The following CCDC78 variants were observed in gnomAD, a reference collection of about 807,000 sequenced individuals.
The protein encoded by CCDC78 is coiled-coil domain-containing protein 78.
A neutral mutation model predicts 61.9 loss-of-function variants in CCDC78; 78 were observed. The ratio of observed to expected loss-of-function variants is 1.26; its 90% CI spans 1.05 to 1.52. CCDC78 has a LOEUF of 1.52. Among genes scored for constraint, CCDC78 ranks in the 40% most tolerant of loss-of-function variants. The pLI, the probability that CCDC78 is intolerant of heterozygous loss-of-function variation, is 0.00. For synonymous variants in CCDC78, 287 were observed against 251.9 expected, an observed-to-expected ratio of 1.14 and a Z score of -1.32; for missense variants, 737 against 615.5, an observed-to-expected ratio of 1.20 and a Z score of -2.09.
In CCDC78 at chr16:726,424, C is replaced by T. The variant is rs78969045; in HGVS notation, c.-57G>A. 14 of 1,500,484 alleles carry T rather than the reference C, an allele frequency of 9.3e-6. No homozygotes were observed. In the African/African-American group the frequency reaches 2.0e-4, roughly 21 times the overall value. The allele number at this position is 1,500,484 out of a possible 1,614,324, so 92.9% of individuals were successfully genotyped here. A position where few individuals can be genotyped will look rare whatever the true frequency, so the allele number is the denominator to read the frequency against. ...GGTGCTGCCTCCACGCCCGGCTTCC[C>T]CATGGCTGCTGCTGCCACTGGCACT... On this transcript the variant is annotated 5_prime_UTR_variant, in exon 1 of 14. Coordinates refer to ENST00000345165, the MANE Select transcript of CCDC78 (RefSeq NM_001378030.1).
rs1035417733 is a variant in CCDC78, at chr16:724,967, GCAGCTGCCGGCC to G, written c.571_582del (p.Gly191_Leu194del). Reference sequence around the variant, plus strand: ...GCCCTGGCCTCCTCTCGGGCTCCCTGCAGCTGCCGGCCCAGGGTTGCCCTGAAGACACGGGGG... The same window carrying G: ...GCCCTGGCCTCCTCTCGGGCTCCCTGCAGGGTTGCCCTGAAGACACGGGGG... On this transcript the variant is annotated inframe_deletion, in exon 7 of 14. Transcript: ENST00000345165. 5.6e-6 allele frequency: 9 copies of G among 1,611,782 alleles called. No homozygotes were observed. In the Admixed American group the frequency reaches 8.3e-5, roughly 15 times the overall value.
At chr16:723,727 C>T (rs746636036) in intron 11 of CCDC78, 130 bp downstream of exon 11, 36 of 815,186 alleles carry the variant, frequency 4.4e-5, no homozygotes, top group Non-Finnish European at 7.0e-5. Context: ...GGATGTGCCA[C>T]TGAGTGCATT....
At chr16:725,611 C>G (rs1414196526) in intron 3 of CCDC78, 31 bp from the exon 4 acceptor site, 1 of 1,595,964 alleles carries the variant, frequency 6.3e-7, no homozygotes, top group Non-Finnish European at 8.5e-7. Context: ...GCAGGTGCAC[C>G]TGCCCGCGGG....
chr16:723,023 C>G lies in CCDC78; in HGVS notation c.1201-1G>C, dbSNP rs763586611. 1.9e-6 allele frequency: 3 copies of G among 1,612,608 alleles called. No homozygotes were observed. In the Admixed American group the frequency reaches 5.0e-5, roughly 27 times the overall value. ...GTGCCCGCTCCCGTTCCAGCTCTGC[C>G]TGGCATGGGGATGTAAGCCATGAGC... On this transcript the variant is annotated splice_acceptor_variant, in intron 12 of 13. Coordinates refer to ENST00000345165, the MANE Select transcript of CCDC78 (RefSeq NM_001378030.1). LOFTEE classifies it high-confidence loss of function.
chr16:726,212 T>C (rs1320874660), intron 1 of CCDC78, 96 bp downstream of exon 1: 2 of 1,550,290 alleles, frequency 1.3e-6, no homozygotes, highest in Non-Finnish European at 1.7e-6. Flanking sequence ...TGGCTGAAAT[T>C]AGGCCCAGGG....
rs1435373984 is a variant in CCDC78 at position 722,682 on chromosome 16, T to C, written c.1409A>G (p.His470Arg). ...CTCTGCTCCTTGGGAGACGGCCTAG[T>C]GGCTGCCGGTCCTTGGATGCTGGGG... ...AKPQHPRTGS[H>R] is the part of the protein sequence containing the mutation. Residue 470 changes from histidine (H) to arginine (R), a missense_variant, in exon 14 of 14, where the codon CAC becomes CGC. Physicochemically the swap from His to Arg is conservative, Grantham distance 29 (BLOSUM62 0). Coordinates refer to ENST00000345165, the MANE Select transcript of CCDC78 (RefSeq NM_001378030.1). 1.2e-6 allele frequency: 2 copies of C among 1,605,826 alleles called. No homozygotes were observed. The highest frequency in any genetic ancestry group is 1.7e-5 in the Admixed American group (1 of 59,986).
intron 13 of CCDC78, 64 bp from the exon 14 acceptor site, chr16:722,853 G>A (rs1173799243): frequency 2.5e-6 from 4 of 1,607,494 alleles, no homozygotes; most frequent in Non-Finnish European, 3.4e-6. Context: ...TTTAGCGCCT[G>A]AGGCAGCCAT....
Position 723,846 on chromosome 16 carries a change from A to T in CCDC78, c.1133+11T>A. 6.4e-7 allele frequency: 1 copy of T among 1,574,544 alleles called. No individual in the cohort carries two copies. Among genetic ancestry groups the T allele is most frequent in the Non-Finnish European group, 8.6e-7 (1 of 1,160,160 alleles). On this transcript the variant is annotated intron_variant, in intron 11 of 13. Transcript: ENST00000345165. ...CCCACAGGCCTCCCCCACACCCATG[A>T]GGGCACTCACTGTGGCTCTGATGTT...
intron 8 of CCDC78, 73 bp downstream of exon 8, chr16:724,608 T>C: frequency 6.4e-7 from 1 of 1,570,088 alleles, no homozygotes; most frequent in East Asian, 2.3e-5. Context: ...CCCTGGGGTC[T>C]CCCTGAAGCT....
Position 725,714 on chromosome 16 carries a change from G to A in CCDC78, c.267+80C>T, listed in dbSNP as rs2040841656. 2.5e-6 allele frequency: 4 copies of A among 1,571,574 alleles called. No homozygotes were observed. The Admixed American group carries it at 5.6e-5, about 22-fold the overall frequency. On this transcript the variant is annotated intron_variant, in intron 3 of 13. Transcript: ENST00000345165. The stretch of plus-strand genomic sequence containing the variant: ...AGACCCACAGATGCCATGTGCGTGT[G>A]CATGCCCATGCAGGGCACGTGTCCT...
intron 12 of CCDC78, 30 bp downstream of exon 12, chr16:723,065 G>A (rs372199432): frequency 6.2e-7 from 1 of 1,612,678 alleles, no homozygotes; most frequent in Non-Finnish European, 8.5e-7. Context: ...ATGGCGTGAG[G>A]ATGGGCCTGG....
rs983787257 is a variant in CCDC78 at position 726,405 on chromosome 16, G to A, written c.-38C>T. 18 of 1,507,588 alleles carry A rather than the reference G, an allele frequency of 1.2e-5. No individual in the cohort carries two copies. The highest frequency in any genetic ancestry group is 1.4e-5 in the African/African-American group (1 of 70,508). The allele number at this position is 1,507,588 out of a possible 1,614,324, so 93.4% of individuals were successfully genotyped here. On this transcript the variant is annotated 5_prime_UTR_variant, in exon 1 of 14. Coordinates refer to ENST00000345165, the MANE Select transcript of CCDC78 (RefSeq NM_001378030.1). Reference sequence around the variant, plus strand: ...CCTGGCCAGCTCCGAGCCCGGTGCTGCCTCCACGCCCGGCTTCCCCATGGC... The same window carrying A: ...CCTGGCCAGCTCCGAGCCCGGTGCTACCTCCACGCCCGGCTTCCCCATGGC...
chr16:725,216 G>A, intron 5 of CCDC78, 21 bp downstream of exon 5: 1 of 1,610,036 alleles, frequency 6.2e-7, no homozygotes, highest in Non-Finnish European at 8.5e-7. Context: ...TCTCCCCTGA[G>A]CTAGGTGGCT....
chr16:724,211 A>G lies in CCDC78; in HGVS notation c.954-6T>C. On this transcript the variant is annotated splice_polypyrimidine_tract_variant and splice_region_variant and intron_variant, in intron 9 of 13. Coordinates refer to ENST00000345165, the MANE Select transcript of CCDC78 (RefSeq NM_001378030.1). ...CTTGGGGGTTCCCAGGTGCCCTGTC[A>G]GGGTAGGCTAGTGTCTGTCTGGGGC... 1.9e-6 allele frequency: 3 copies of G among 1,588,104 alleles called. No homozygotes were observed. Among genetic ancestry groups the G allele is most frequent in the Non-Finnish European group, 2.6e-6 (3 of 1,166,294 alleles).
At chr16:723,606 T>C in intron 11 of CCDC78, 1 of 690,674 alleles carries the variant, frequency 1.4e-6, no homozygotes, top group Non-Finnish European at 2.6e-6. Flanking sequence ...CTCCCTCAGG[T>C]GTGCTCTCCC....
At chr16:726,152 A>G (rs1390363438) in intron 1 of CCDC78, 67 bp from the exon 2 acceptor site, 1 of 1,550,112 alleles carries the variant, frequency 6.5e-7, no homozygotes, top group African/African-American at 1.4e-5. Context: ...ACTCCCATGC[A>G]GTCACCAGTC....
In CCDC78 at chr16:723,333, C is replaced by T. The variant is rs539727486; in HGVS notation, c.1134-172G>A. 2.4e-3 allele frequency: 1,887 copies of T among 785,348 alleles called. 5 individuals are homozygous for T. The highest frequency in any genetic ancestry group is 2.9e-3 in the Non-Finnish European group (1,353 of 461,634). 48.6% of individuals were successfully genotyped at this position (785,348 alleles called of 1,614,324 possible). ...GTGGCGCCCCCCCCAGGCCTTGGAG[C>T]CATCCGTGTATAGGGACAGCCCGGG... On this transcript the variant is annotated intron_variant, in intron 11 of 13. Transcript: ENST00000345165.
Position 726,000 on chromosome 16 carries a change from G to T in CCDC78, c.146C>A (p.Pro49Gln). 2 of 1,550,206 alleles carry T rather than the reference G, an allele frequency of 1.3e-6. No individual in the cohort carries two copies. Among genetic ancestry groups the T allele is most frequent in the Non-Finnish European group, 1.7e-6 (2 of 1,147,318 alleles). ...WATSLEAEVP[P>Q]DLALNKEQQL... ...CTGCTCCTTATTGAGCGCTAGATCT[G>T]GTGGGACCTCTGCTTCCAAGCTGGT... The change falls in exon 2 of 14, where the codon CCA (proline) becomes CAA (glutamine). Residue 49 changes from proline (P) to glutamine (Q), a missense_variant. Transcript: ENST00000345165.
chr16:726,597 A>C (rs142421260), upstream of CCDC78: 6,812 of 594,900 alleles, frequency 0.011, 144 homozygotes, highest in South Asian at 0.058. Context: ...AATGCGGCCC[A>C]GCGCCCCCTG....
Sources: allele counts gnomAD v4.1 joint callset, GRCh38; gene constraint gnomAD v4.1.1; transcripts MANE v1.5; gene names NCBI Gene and HGNC (gene_info 2026-07-23, HGNC 2026-07-21).